Variants in AUTS2 observed in about 807,000 individuals in gnomAD.
AUTS2 encodes autism susceptibility gene 2 protein.
AUTS2 carries 17 observed loss-of-function variants against 112.4 expected under a neutral mutation model. The ratio of observed to expected loss-of-function variants is 0.15; its 90% confidence interval spans 0.10 to 0.23. AUTS2 has a LOEUF of 0.23. Among genes scored for constraint, AUTS2 ranks in the 10% least tolerant of loss-of-function variants. AUTS2 has a pLI of 1.00. For missense variants in AUTS2, 1,510 were observed against 1,701.6 expected (o/e 0.89, Z 1.98); for synonymous variants, 751 against 702.7 (o/e 1.07, Z -1.09).
chr7:69,670,225 G>C (rs190037107), intron 1 of AUTS2, among the ~76,000 whole-genome samples: 2 of 152,256 alleles, frequency 1.3e-5, no homozygotes, highest in East Asian at 3.9e-4. Flanking sequence ...GCATGAGCAT[G>C]ACAGAGAATG....
chr7:69,763,385 T>C (rs927656137), intron 1 of AUTS2, among the ~76,000 whole-genome samples: 3 of 152,172 alleles, frequency 2.0e-5, no homozygotes, highest in African/African-American at 4.8e-5. Context: ...TTACATCTGT[T>C]ATAAGTGACT....
chr7:69,630,604 G>A (rs1185285884), intron 1 of AUTS2, among the ~76,000 whole-genome samples: 2 of 152,200 alleles, frequency 1.3e-5, no homozygotes, highest in Non-Finnish European at 2.9e-5. Context: ...AGGCCCACTT[G>A]GAGCAGTTGA....
At chr7:70,094,730 A>T (rs1007233229) in intron 2 of AUTS2, among the ~76,000 whole-genome samples, 5 of 152,190 alleles carry the variant, frequency 3.3e-5, no homozygotes, top group Admixed American at 3.3e-4. Context: ...AAAGTCTGAG[A>T]GGTAATAAGA....
chr7:70,750,696 C>T (rs1352184529), intron 6 of AUTS2, among the ~76,000 whole-genome samples: 1 of 152,234 alleles, frequency 6.6e-6, no homozygotes, highest in South Asian at 2.1e-4. Context: ...GCCACCACAC[C>T]CGTCCAACAG....
intron 2 of AUTS2, among the ~76,000 whole-genome samples, chr7:70,007,708 T>C (rs965567045): frequency 1.1e-4 from 16 of 152,160 alleles, no homozygotes; most frequent in African/African-American, 2.9e-4. Context: ...CAGTGCGCAA[T>C]AGGTGAAGCT....
chr7:70,790,768 C>T lies in AUTS2; in HGVS notation c.3552C>T (p.Leu1184=), dbSNP rs992423377. Residue 1184 remains leucine (L), a synonymous_variant, in exon 19 of 19, where the codon CTC becomes CTT. Transcript: ENST00000342771. This position sits in a 1 kb window ranked among gnomAD's most constrained non-coding sequence, Gnocchi z 7.6. ...SLDGHLPHPS[L]ITPGLPSMHY... ...ACGGACACCTCCCCCACCCCAGCCT[C>T]ATCACCCCGGGACTCCCCAGCATGC... The T allele has an allele frequency of 1.2e-6, 2 of 1,613,122 alleles. No homozygotes were observed. Among genetic ancestry groups the T allele is most frequent in the African/African-American group, 1.3e-5 (1 of 74,914 alleles).
chr7:70,022,191 A>G (rs1223372554), intron 2 of AUTS2, among the ~76,000 whole-genome samples: 1 of 151,498 alleles, frequency 6.6e-6, no homozygotes, highest in Admixed American at 6.6e-5. Flanking sequence ...CTAAAACTGA[A>G]TGAAAGCCTC....
intron 4 of AUTS2, among the ~76,000 whole-genome samples, chr7:70,137,194 A>T (rs966464029): frequency 2.0e-5 from 3 of 152,216 alleles, no homozygotes; most frequent in Non-Finnish European, 4.4e-5. Context: ...CAGCAGCTCA[A>T]ATCAGTATTT....
intron 1 of AUTS2, among the ~76,000 whole-genome samples, chr7:69,762,190 A>G (rs1466705273): frequency 2.6e-5 from 4 of 151,224 alleles, no homozygotes; most frequent in African/African-American, 9.7e-5. Context: ...GAGTTTAACT[A>G]CCGGTAACAT....
chr7:70,024,626 A>G (rs1325196015), intron 2 of AUTS2, among the ~76,000 whole-genome samples: 1 of 152,144 alleles, frequency 6.6e-6, no homozygotes, highest in African/African-American at 2.4e-5. Flanking sequence ...CCAGAGAAAT[A>G]AAACCAATAG....
At chr7:70,331,724 G>A (rs1292595540) in intron 4 of AUTS2, among the ~76,000 whole-genome samples, 3 of 152,114 alleles carry the variant, frequency 2.0e-5, no homozygotes, top group African/African-American at 7.2e-5. Flanking sequence ...AAAACCACAT[G>A]ATTATCTCAA....
At chr7:70,232,436 C>T (rs897716907) in intron 4 of AUTS2, among the ~76,000 whole-genome samples, 1 of 151,470 alleles carries the variant, frequency 6.6e-6, no homozygotes, top group Non-Finnish European at 1.5e-5. Context: ...CAGAGTCCCA[C>T]TCTGTCACGC....
chr7:70,191,789 G>A (rs767042051), intron 4 of AUTS2, among the ~76,000 whole-genome samples: 2 of 152,112 alleles, frequency 1.3e-5, no homozygotes, highest in African/African-American at 2.4e-5. Flanking sequence ...GGCCAGGCCC[G>A]GTGGCTCACA....
At chr7:70,784,118 A>G (rs376490428) in intron 15 of AUTS2, 19 of 152,354 alleles carry the variant, frequency 1.2e-4, no homozygotes, top group African/African-American at 4.6e-4. Context: ...AGAGTCAGTT[A>G]TAAGATTTTC....
intron 4 of AUTS2, among the ~76,000 whole-genome samples, chr7:70,246,056 C>T (rs748146585): frequency 9.9e-5 from 15 of 151,582 alleles, no homozygotes; most frequent in Non-Finnish European, 1.5e-4. Flanking sequence ...TAATGTTGAA[C>T]TTTTTCTTAT....
chr7:70,149,446 T>C (rs968239286), intron 4 of AUTS2, among the ~76,000 whole-genome samples: 5 of 152,100 alleles, frequency 3.3e-5, no homozygotes, highest in Admixed American at 6.6e-5. Context: ...TTAGTTTTAA[T>C]TTTTAACCAA....
rs576243912 is a variant in AUTS2 at position 70,674,218 on chromosome 7, A to G, written c.691-24351A>G. Reference sequence around the variant, plus strand: ...AAAGGAATGTTCAGGCATTGGTTAAAATAGGTGTCCTAGCCTCTTGTCATG... The same window carrying G: ...AAAGGAATGTTCAGGCATTGGTTAAGATAGGTGTCCTAGCCTCTTGTCATG... On this transcript the variant is annotated intron_variant, in intron 5 of 18. Coordinates refer to ENST00000342771, the MANE Select transcript of AUTS2 (RefSeq NM_015570.4). 3.4e-4 allele frequency among the ~76,000 whole-genome samples: 52 copies of G among 152,312 alleles called. No individual in the cohort carries two copies. In the South Asian group the frequency reaches 8.1e-3, roughly 24 times the overall value.
intron 1 of AUTS2, among the ~76,000 whole-genome samples, chr7:69,887,142 A>G (rs1415812033): frequency 2.0e-5 from 3 of 151,938 alleles, no homozygotes; most frequent in African/African-American, 7.2e-5. Flanking sequence ...GGCCAGGTGC[A>G]GTGGCTCACG....
At chr7:70,203,372 G>A (rs1451265113) in intron 4 of AUTS2, among the ~76,000 whole-genome samples, 2 of 141,818 alleles carry the variant, frequency 1.4e-5, no homozygotes, top group African/African-American at 5.3e-5. Flanking sequence ...AGAAGTTTAC[G>A]GATAAAAGAA....
Sources: allele counts gnomAD v4.1 joint callset (sites outside exome capture counted in the v4.1 genomes callset), GRCh38; gene constraint gnomAD v4.1.1; non-coding constraint Gnocchi (gnomAD v3.1); transcripts MANE v1.5; gene names NCBI Gene and HGNC (gene_info 2026-07-23, HGNC 2026-07-21).